Variants in VSIR observed in about 807,000 individuals in gnomAD.
VSIR encodes V-type immunoglobulin domain-containing suppressor of T-cell activation.
VSIR carries 10 observed loss-of-function variants against 31.0 expected under a neutral mutation model. The observed-to-expected ratio is 0.32, with a 90% CI of 0.20 to 0.55. VSIR has a LOEUF of 0.55. Among genes scored for constraint, VSIR ranks in the 20% least tolerant of loss-of-function variants. The pLI, the probability that VSIR is intolerant of heterozygous loss-of-function variation, is 0.93. For missense variants in VSIR, 356 were observed against 416.2 expected, an observed-to-expected ratio of 0.86 and a Z score of 1.26; for synonymous variants, 179 against 180.1, an observed-to-expected ratio of 0.99 and a Z score of 0.05.
In VSIR at chr10:71,773,359, T is replaced by C; in HGVS notation, c.81A>G (p.Leu27=). ...GCGCCCCGCCTCCCCCGACCTTACC[T>C]AGGGACGCAGCCAGGAAGAGAGCGA... ...LLFALFLAAS[L]GPVAAFKVAT... The change falls in exon 1 of 7, where the codon CTA becomes CTG. Residue 27 remains leucine (L), a splice_region_variant and synonymous_variant. Transcript: ENST00000394957. 2.5e-6 allele frequency: 4 copies of C among 1,606,794 alleles called. No individual in the cohort carries two copies. The highest frequency in any genetic ancestry group is 3.4e-6 in the Non-Finnish European group (4 of 1,176,954).
At chr10:71,754,204 C>T (rs1356104101) in intron 4 of VSIR, among the ~76,000 whole-genome samples, 1 of 152,178 alleles carries the variant, frequency 6.6e-6, no homozygotes, top group East Asian at 1.9e-4. Flanking sequence ...TGCCCCCACC[C>T]ACCCCCAGCC....
At position 71,760,000 on chromosome 10, in the gene VSIR, T is replaced by TATACACACAC. The variant is rs1564779572; in HGVS notation, c.568+867_568+868insGTGTGTGTAT. Among the ~76,000 whole-genome samples, 114 of 26,718 alleles carry TATACACACAC rather than the reference T, an allele frequency of 4.3e-3. 3 individuals carry two copies. The highest frequency in any genetic ancestry group is 0.024 in the Middle Eastern group (1 of 42). The allele number at this position is 26,718 out of a possible 152,430, so 17.5% of individuals were successfully genotyped here. A position where few individuals can be genotyped will look rare whatever the true frequency, so the allele number is the denominator to read the frequency against. On this transcript the variant is annotated intron_variant, in intron 3 of 6. Coordinates refer to ENST00000394957, the MANE Select transcript of VSIR (RefSeq NM_022153.2). ...ACACACATATATATACACACACACA[T>TATACACACAC]ACATATATATACACACACACATATA...
intron 1 of VSIR, among the ~76,000 whole-genome samples, chr10:71,768,873 C>T (rs908665467): frequency 9.2e-5 from 14 of 152,206 alleles, no homozygotes; most frequent in African/African-American, 2.4e-4. Flanking sequence ...GATGAGAAAA[C>T]GGAAGCACAG....
chr10:71,760,789 G>T, intron 3 of VSIR, 79 bp downstream of exon 3: 1 of 1,410,480 alleles, frequency 7.1e-7, no homozygotes, highest in Non-Finnish European at 1.0e-6. Flanking sequence ...TGAGGCCAGA[G>T]TTCCAAACAG....
intron 1 of VSIR, among the ~76,000 whole-genome samples, chr10:71,771,107 G>A (rs548948358): frequency 3.2e-4 from 48 of 152,290 alleles, no homozygotes; most frequent in Middle Eastern, 3.4e-3. Flanking sequence ...AGTCCCAGAG[G>A]TTGGGAGTCC....
intron 3 of VSIR, chr10:71,760,350 T>C (rs536749569): frequency 1.3e-5 from 2 of 148,320 alleles, no homozygotes; most frequent in African/African-American, 4.9e-5. Context: ...ATAATAATAC[T>C]TAAAAAGACT....
intron 3 of VSIR, among the ~76,000 whole-genome samples, chr10:71,758,857 T>C (rs1367488408): frequency 6.6e-6 from 1 of 152,058 alleles, no homozygotes; most frequent in Non-Finnish European, 1.5e-5. Context: ...CGAGAGTGCA[T>C]CTCTACCAAA....
At position 71,751,150 on chromosome 10, in the gene VSIR, G is replaced by C; in HGVS notation, c.*103C>G. On this transcript the variant is annotated 3_prime_UTR_variant, in exon 7 of 7. Transcript: ENST00000394957. The surrounding 1 kb of genome is among the most constrained non-coding windows in gnomAD (Gnocchi z 4.9). ...GTATCTGAGCCCAGAGCAGGAGGGA[G>C]GGAACCAGGGCCGAGGCCAAGGAGG... 2 of 1,359,050 alleles carry C rather than the reference G, an allele frequency of 1.5e-6. No individual in the cohort carries two copies. Among genetic ancestry groups the C allele is most frequent in the Non-Finnish European group, 2.0e-6 (2 of 989,818 alleles). The allele number at this position is 1,359,050 out of a possible 1,614,324, so 84.2% of individuals were successfully genotyped here.
Position 71,760,970 on chromosome 10 carries a change from G to A in VSIR, c.512-46C>T, listed in dbSNP as rs1589405034. 7.6e-6 allele frequency: 12 copies of A among 1,583,488 alleles called. No individual in the cohort carries two copies. The East Asian group carries it at 2.5e-4, about 32-fold the overall frequency. ...GCCATTAGGTGGGTGTCAGGCCCAG[G>A]AGGCCAGGGAGGCTTGTCCAGGCCA... On this transcript the variant is annotated intron_variant, in intron 2 of 6. Transcript: ENST00000394957.
At chr10:71,755,647 G>C (rs959201674) in intron 3 of VSIR, among the ~76,000 whole-genome samples, 181 bp from the exon 4 acceptor site, 4 of 152,114 alleles carry the variant, frequency 2.6e-5, no homozygotes, top group Non-Finnish European at 5.9e-5. Flanking sequence ...CTTTCAAAGA[G>C]AGCCCTGTGC....
In VSIR at chr10:71,748,807, G is replaced by C. The variant is rs984335842; in HGVS notation, c.*2446C>G. Reference sequence around the variant, plus strand: ...ACCATCCCGGGCAACTCAGAGGGCGGCTCCAGCAGCCTGCCCCTCCCCAGC... The same window carrying C: ...ACCATCCCGGGCAACTCAGAGGGCGCCTCCAGCAGCCTGCCCCTCCCCAGC... On this transcript the variant is annotated 3_prime_UTR_variant, in exon 7 of 7. Transcript: ENST00000394957. The C allele has an allele frequency of 1.3e-5, 2 of 152,760 alleles. No individual in the cohort carries two copies. The highest frequency in any genetic ancestry group is 4.8e-5 in the African/African-American group (2 of 41,456). The allele number at this position is 152,760 out of a possible 1,614,324, so 9.5% of individuals were successfully genotyped here. A position where few individuals can be genotyped will look rare whatever the true frequency, so the allele number is the denominator to read the frequency against.
At chr10:71,759,852 C>CAT (rs1361097762) in intron 3 of VSIR, among the ~76,000 whole-genome samples, 1 of 76,908 alleles carries the variant, frequency 1.3e-5, no homozygotes, top group African/African-American at 5.5e-5. Context: ...CACACATATA[C>CAT]ACACACACAC....
intron 3 of VSIR, among the ~76,000 whole-genome samples, chr10:71,759,856 C>CACACATATATATACACACACACATATAT (rs1840262908): frequency 9.0e-6 from 1 of 111,678 alleles, no homozygotes; most frequent in Non-Finnish European, 2.0e-5. Context: ...CATATACACA[C>CACACATATATATACACACACACATATAT]ACACACACAT....
chr10:71,757,201 G>A (rs1200165676), intron 3 of VSIR, among the ~76,000 whole-genome samples: 1 of 152,210 alleles, frequency 6.6e-6, no homozygotes, highest in African/African-American at 2.4e-5. Context: ...TCCTCTGGAC[G>A]GCTAGTAAGC....
chr10:71,756,654 G>A (rs527960131), intron 3 of VSIR, among the ~76,000 whole-genome samples: 16 of 152,326 alleles, frequency 1.1e-4, no homozygotes, highest in African/African-American at 3.8e-4. Flanking sequence ...TCTGCTGACT[G>A]CAGGAGTTTA....
At chr10:71,765,590 C>T (rs749080483) in intron 1 of VSIR, among the ~76,000 whole-genome samples, 9 of 152,274 alleles carry the variant, frequency 5.9e-5, no homozygotes, top group Non-Finnish European at 1.5e-5. Flanking sequence ...CCATAGCACC[C>T]GCAGCAGTAG....
chr10:71,756,761 C>T (rs1222956309), intron 3 of VSIR, among the ~76,000 whole-genome samples: 2 of 152,196 alleles, frequency 1.3e-5, no homozygotes, highest in Non-Finnish European at 2.9e-5. Context: ...GCTGGGATAC[C>T]TTGTCACAGT....
intron 1 of VSIR, among the ~76,000 whole-genome samples, chr10:71,767,236 T>C (rs2132902712): frequency 6.6e-6 from 1 of 152,260 alleles, no homozygotes; most frequent in Admixed American, 6.5e-5. Context: ...CCCCTGTGAG[T>C]GTGCACGGGA....
chr10:71,755,355 T>C lies in VSIR; in HGVS notation c.676+4A>G. ...ACCCACCCCAGGCAGGGAGGAATAC[T>C]CACGGCGGTTGGAGGCTGCCTGCCT... On this transcript the variant is annotated splice_donor_region_variant and intron_variant, in intron 4 of 6. Transcript: ENST00000394957. The C allele has an allele frequency of 6.2e-7, 1 of 1,602,442 alleles. No homozygotes were observed. The highest frequency in any genetic ancestry group is 1.1e-5 in the South Asian group (1 of 90,168).
Sources: gnomAD v4.1 joint callset for allele counts (sites outside exome capture counted in the v4.1 genomes callset) on GRCh38, gnomAD v4.1.1 for gene constraint, Gnocchi (gnomAD v3.1) non-coding constraint, MANE v1.5 for transcripts, NCBI Gene and HGNC (gene_info 2026-07-23, HGNC 2026-07-21) for gene names.